Variants in GALNT18 observed in about 807,000 individuals in gnomAD.
GALNT18 encodes GalNAc-transferase 18.
A neutral mutation model predicts 69.5 loss-of-function variants in GALNT18; 44 were observed. The ratio of observed to expected loss-of-function variants is 0.63; its 90% CI spans 0.50 to 0.81. The LOEUF is 0.81. GALNT18 is among the 40% of genes least tolerant of loss of function. The pLI is 0.00. For missense variants in GALNT18, 715 were observed against 810.0 expected (o/e 0.88, Z 1.42); for synonymous variants, 364 against 318.2 (o/e 1.14, Z -1.53).
intron 3 of GALNT18, among the ~76,000 whole-genome samples, chr11:11,410,918 C>A (rs1320689943): frequency 6.6e-6 from 1 of 152,180 alleles, no homozygotes; most frequent in Non-Finnish European, 1.5e-5. Flanking sequence ...TACACTGGCA[C>A]CCTCCAAGAC....
intron 1 of GALNT18, among the ~76,000 whole-genome samples, chr11:11,599,795 A>T (rs1009996171): frequency 6.6e-6 from 1 of 151,958 alleles, no homozygotes; most frequent in South Asian, 2.1e-4. Flanking sequence ...AATAAAAATT[A>T]TATATATTTA....
chr11:11,569,388 A>G (rs1185563116), intron 1 of GALNT18, among the ~76,000 whole-genome samples: 1 of 152,216 alleles, frequency 6.6e-6, no homozygotes, highest in Non-Finnish European at 1.5e-5. Flanking sequence ...CCAAGCTGGA[A>G]AAAGGTTCTT....
intron 10 of GALNT18, among the ~76,000 whole-genome samples, chr11:11,292,247 T>C (rs1200804257): frequency 6.6e-6 from 1 of 152,144 alleles, no homozygotes; most frequent in African/African-American, 2.4e-5. Flanking sequence ...GGCATCCCTA[T>C]CTGTGGCTGA....
chr11:11,455,981 C>T (rs530407981), intron 1 of GALNT18, among the ~76,000 whole-genome samples: 1 of 152,226 alleles, frequency 6.6e-6, no homozygotes, highest in African/African-American at 2.4e-5. Context: ...CCCAGCTACT[C>T]AGGAGGTTGA....
intron 9 of GALNT18, among the ~76,000 whole-genome samples, chr11:11,296,034 T>A (rs2133009928): frequency 6.6e-6 from 1 of 152,206 alleles, no homozygotes; most frequent in African/African-American, 2.4e-5. Context: ...GAGGGAGAAC[T>A]TGGCAACTGG....
intron 9 of GALNT18, among the ~76,000 whole-genome samples, chr11:11,324,908 G>T (rs1381987529): frequency 6.6e-6 from 1 of 152,126 alleles, no homozygotes; most frequent in Non-Finnish European, 1.5e-5. Context: ...CTGCTGGTGG[G>T]AATATAAATT....
chr11:11,610,543 GTTT>G (rs1008341310), intron 1 of GALNT18, among the ~76,000 whole-genome samples: 1 of 151,700 alleles, frequency 6.6e-6, no homozygotes, highest in Non-Finnish European at 1.5e-5. Flanking sequence ...TTCCTCACTG[GTTT>G]TTTTTCCCAT....
chr11:11,459,984 C>T lies in GALNT18; in HGVS notation c.236-11048G>A, dbSNP rs946058481. Among the ~76,000 whole-genome samples the T allele has an allele frequency of 2.0e-4, 30 of 152,102 alleles. No individual in the cohort carries two copies. The highest frequency in any genetic ancestry group is 7.2e-4 in the African/African-American group (30 of 41,408). ...GCTGCCTGCATTCCTTGGCTTATGG[C>T]CTCTTCCTCCGTCTTCAAAGCCCAC... On this transcript the variant is annotated intron_variant, in intron 1 of 10. Transcript: ENST00000227756. The surrounding 1 kb of genome is among the most constrained non-coding windows in gnomAD (Gnocchi z 5.0).
intron 1 of GALNT18, among the ~76,000 whole-genome samples, chr11:11,568,620 A>G (rs1022785987): frequency 6.6e-6 from 1 of 152,126 alleles, no homozygotes; most frequent in African/African-American, 2.4e-5. Context: ...ATGGAGACTC[A>G]CTGTCTAAGA....
At chr11:11,504,413 C>T (rs1310507022) in intron 1 of GALNT18, among the ~76,000 whole-genome samples, 1 of 148,898 alleles carries the variant, frequency 6.7e-6, no homozygotes, top group African/African-American at 2.5e-5. Flanking sequence ...TGCCCTCAAA[C>T]ATATTCATAT....
At chr11:11,381,020 C>T (rs1853903144) in intron 3 of GALNT18, among the ~76,000 whole-genome samples, 1 of 152,210 alleles carries the variant, frequency 6.6e-6, no homozygotes, top group Admixed American at 6.5e-5. Context: ...CTGCCACTGA[C>T]ATGCTGTATA....
intron 1 of GALNT18, among the ~76,000 whole-genome samples, chr11:11,476,908 G>T (rs1274748966): frequency 6.6e-6 from 1 of 152,226 alleles, no homozygotes; most frequent in African/African-American, 2.4e-5. Flanking sequence ...ATTAATTAGT[G>T]ATTCACTTAG....
At chr11:11,422,331 A>C (rs551020337) in intron 3 of GALNT18, among the ~76,000 whole-genome samples, 3 of 152,362 alleles carry the variant, frequency 2.0e-5, no homozygotes, top group Non-Finnish European at 4.4e-5. Context: ...AAGGAGCAAC[A>C]ATAGGAGAAC....
chr11:11,381,580 T>G (rs1365452563), intron 3 of GALNT18, among the ~76,000 whole-genome samples: 1 of 152,344 alleles, frequency 6.6e-6, no homozygotes, highest in South Asian at 2.1e-4. Flanking sequence ...GAGTCTGGGC[T>G]GGACCGTGAC....
chr11:11,595,367 C>T lies in GALNT18; in HGVS notation c.235+25992G>A, dbSNP rs1859473741. Among the ~76,000 whole-genome samples the T allele has an allele frequency of 1.3e-5, 2 of 152,114 alleles. No homozygotes were observed. Among genetic ancestry groups the T allele is most frequent in the Admixed American group, 1.3e-4 (2 of 15,278 alleles). ...AGCAAGAAGTCAGGAGGCTGCAACCCAGAAGAGAGACTTCACCAGACAGAA... is the reference window on the plus strand; with the variant it reads ...AGCAAGAAGTCAGGAGGCTGCAACCTAGAAGAGAGACTTCACCAGACAGAA... On this transcript the variant is annotated intron_variant, in intron 1 of 10. Coordinates refer to ENST00000227756, the MANE Select transcript of GALNT18 (RefSeq NM_198516.3). The surrounding 1 kb of genome is among the most constrained non-coding windows in gnomAD (Gnocchi z 5.2).
intron 1 of GALNT18, among the ~76,000 whole-genome samples, chr11:11,532,114 G>T (rs1857665140): frequency 6.6e-6 from 1 of 152,096 alleles, no homozygotes; most frequent in Admixed American, 6.5e-5. Context: ...ACACCATTTT[G>T]AAATGATTAG....
At chr11:11,409,685 T>G (rs1854683846) in intron 3 of GALNT18, among the ~76,000 whole-genome samples, 1 of 147,780 alleles carries the variant, frequency 6.8e-6, no homozygotes, top group Admixed American at 6.7e-5. Context: ...AAGACAGTCA[T>G]TGTGCCCTGC....
chr11:11,472,264 A>G (rs1336044362), intron 1 of GALNT18, among the ~76,000 whole-genome samples: 2 of 152,206 alleles, frequency 1.3e-5, no homozygotes, highest in East Asian at 3.8e-4. Flanking sequence ...ATGCCTGGCT[A>G]TCAGGTTCCC....
chr11:11,429,593 G>A (rs1010952317), intron 3 of GALNT18, among the ~76,000 whole-genome samples: 1 of 151,924 alleles, frequency 6.6e-6, no homozygotes, highest in African/African-American at 2.4e-5. Context: ...CTGCAGGCAG[G>A]TGAGGCAAGC....
Sources: allele counts gnomAD v4.1 joint callset (sites outside exome capture counted in the v4.1 genomes callset), GRCh38; gene constraint gnomAD v4.1.1; non-coding constraint Gnocchi (gnomAD v3.1); transcripts MANE v1.5; gene names NCBI Gene and HGNC (gene_info 2026-07-23, HGNC 2026-07-21).